The following SLC25A13 variants were observed in gnomAD, a reference collection of about 807,000 sequenced individuals.
SLC25A13 encodes solute carrier family 25 member 13, also known as electrogenic aspartate/glutamate antiporter SLC25A13, mitochondrial.
Under a neutral mutation model 85.5 loss-of-function variants are expected in SLC25A13, and 70 were observed. That is an observed-to-expected ratio of 0.82 (90% CI 0.68 to 1.00). The LOEUF is 1.00. Among genes scored for constraint, SLC25A13 ranks in the 50% least tolerant of loss-of-function variants. SLC25A13 has a pLI of 0.00. For synonymous variants in SLC25A13, 259 were observed against 288.7 expected (o/e 0.90, Z 1.04); for missense variants, 765 against 819.8 (o/e 0.93, Z 0.82).
Position 96,250,941 on chromosome 7 carries a change from A to T in SLC25A13, c.213-16024T>A, listed in dbSNP as rs552013717. ...ATTAGACAAATACTTATGGAGTGCT[A>T]CTATGTGCCAGCCACGTTCTAGGAT... On this transcript the variant is annotated intron_variant, in intron 3 of 17. Coordinates refer to ENST00000265631, the MANE Select transcript of SLC25A13 (RefSeq NM_014251.3). 1.2e-3 allele frequency among the ~76,000 whole-genome samples: 178 copies of T among 152,246 alleles called. 1 individual carries two copies. Among genetic ancestry groups the T allele is most frequent in the Non-Finnish European group, 1.1e-3 (75 of 68,018 alleles).
intron 1 of SLC25A13, among the ~76,000 whole-genome samples, chr7:96,314,726 G>C (rs971490300): frequency 3.3e-5 from 5 of 152,186 alleles, no homozygotes; most frequent in African/African-American, 1.2e-4. Flanking sequence ...AGCAGAGACT[G>C]GTCATGGGAC....
At chr7:96,268,458 C>A (rs1798116615) in intron 3 of SLC25A13, among the ~76,000 whole-genome samples, 1 of 152,134 alleles carries the variant, frequency 6.6e-6, no homozygotes, top group Non-Finnish European at 1.5e-5. Context: ...CCCACCTCCT[C>A]CTCAAATGCT....
chr7:96,214,442 A>G (rs569024142), intron 4 of SLC25A13, among the ~76,000 whole-genome samples: 22 of 152,210 alleles, frequency 1.4e-4, no homozygotes, highest in African/African-American at 4.8e-4. Context: ...TTAAAAAACA[A>G]CTCGGTCAGG....
At chr7:96,168,254 C>T (rs1330166052) in intron 13 of SLC25A13, among the ~76,000 whole-genome samples, 2 of 151,770 alleles carry the variant, frequency 1.3e-5, no homozygotes, top group Non-Finnish European at 2.9e-5. Flanking sequence ...TAAACTCTTA[C>T]TTCTTAAAGT....
intron 3 of SLC25A13, among the ~76,000 whole-genome samples, chr7:96,249,100 G>A (rs925363247): frequency 6.6e-6 from 1 of 152,192 alleles, no homozygotes; most frequent in Non-Finnish European, 1.5e-5. Flanking sequence ...GAGCCCAGGA[G>A]TTTGAGACCA....
chr7:96,236,490 T>C (rs1796749616), intron 3 of SLC25A13, among the ~76,000 whole-genome samples: 1 of 151,872 alleles, frequency 6.6e-6, no homozygotes, highest in Non-Finnish European at 1.5e-5. Flanking sequence ...ATAAAAGGGG[T>C]GAATTATTCT....
chr7:96,189,343 G>A lies in SLC25A13; in HGVS notation c.884C>T (p.Pro295Leu), dbSNP rs934057158. ...MTLADIERIAPLEEGTLPFNL... is the reference protein window; with the variant it reads ...MTLADIERIALLEEGTLPFNL... ...AAAGGGCAGAGTTCCCTCTTCCAGA[G>A]GAGCAATCCGTTCAATGTCTGCTAA... Residue 295 changes from proline (P) to leucine (L), a missense_variant, in exon 9 of 18, where the codon CCT (proline) becomes CTT (leucine). Pro to Leu is a moderately conservative substitution (Grantham distance 98). Coordinates refer to ENST00000265631, the MANE Select transcript of SLC25A13 (RefSeq NM_014251.3). The A allele has an allele frequency of 8.7e-6, 14 of 1,614,036 alleles. No individual in the cohort carries two copies. The highest frequency in any genetic ancestry group is 1.1e-5 in the Non-Finnish European group (13 of 1,180,030).
intron 4 of SLC25A13, among the ~76,000 whole-genome samples, chr7:96,220,456 GT>G (rs1796076937): frequency 6.6e-6 from 1 of 152,074 alleles, no homozygotes; most frequent in Non-Finnish European, 1.5e-5. Flanking sequence ...TTTCCAATAT[GT>G]TCTTGATTTT....
intron 5 of SLC25A13, among the ~76,000 whole-genome samples, chr7:96,200,175 A>C (rs568924953): frequency 1.3e-5 from 2 of 152,340 alleles, no homozygotes; most frequent in East Asian, 3.9e-4. Context: ...TAATAAAAGC[A>C]AAGAGTTAAT....
intron 3 of SLC25A13, among the ~76,000 whole-genome samples, chr7:96,268,181 T>C (rs1244328737): frequency 6.6e-6 from 1 of 152,132 alleles, no homozygotes; most frequent in Non-Finnish European, 1.5e-5. Context: ...CAGTCACAAG[T>C]GAAGACAGTT....
At chr7:96,279,862 C>T (rs76654472) in intron 2 of SLC25A13, among the ~76,000 whole-genome samples, 2,031 of 152,222 alleles carry the variant, frequency 0.013, 41 homozygotes, top group African/African-American at 0.047. Flanking sequence ...GGTTGTCCCA[C>T]GAACACAAAG....
intron 3 of SLC25A13, among the ~76,000 whole-genome samples, chr7:96,268,473 C>T (rs1798117144): frequency 6.6e-6 from 1 of 152,160 alleles, no homozygotes; most frequent in Non-Finnish European, 1.5e-5. Flanking sequence ...AATGCTGGGA[C>T]AAGCCCTCTT....
At chr7:96,135,157 A>T (rs1792221791) in intron 14 of SLC25A13, among the ~76,000 whole-genome samples, 1 of 152,152 alleles carries the variant, frequency 6.6e-6, no homozygotes, top group African/African-American at 2.4e-5. Flanking sequence ...GAATGAATGA[A>T]GTAATATGTG....
intron 2 of SLC25A13, among the ~76,000 whole-genome samples, chr7:96,293,493 A>C (rs1281573066): frequency 6.6e-6 from 1 of 152,208 alleles, no homozygotes; most frequent in Non-Finnish European, 1.5e-5. Context: ...TGAACAGGCA[A>C]CCTACAGAAT....
intron 1 of SLC25A13, among the ~76,000 whole-genome samples, chr7:96,301,613 G>T (rs1293313297): frequency 6.6e-6 from 1 of 151,294 alleles, no homozygotes; most frequent in Admixed American, 6.6e-5. Flanking sequence ...AAGGGAAAAA[G>T]AGAGGGTTTT....
At chr7:96,320,777 G>A (rs1219665976) in intron 1 of SLC25A13, among the ~76,000 whole-genome samples, 1 of 152,216 alleles carries the variant, frequency 6.6e-6, no homozygotes, top group African/African-American at 2.4e-5. Context: ...TACGGATTTG[G>A]GGAGCCTGGA....
At chr7:96,320,446 T>C (rs1351881042) in intron 1 of SLC25A13, among the ~76,000 whole-genome samples, 3 of 152,196 alleles carry the variant, frequency 2.0e-5, no homozygotes, top group Non-Finnish European at 4.4e-5. Context: ...CAGTAAAGAA[T>C]GGGTACCTAG....
chr7:96,150,865 G>A (rs1429868938), intron 13 of SLC25A13, among the ~76,000 whole-genome samples: 1 of 151,930 alleles, frequency 6.6e-6, no homozygotes, highest in Non-Finnish European at 1.5e-5. Context: ...ATATAGCAAC[G>A]TACCCAGGGC....
At chr7:96,228,786 G>A (rs557593328) in intron 4 of SLC25A13, among the ~76,000 whole-genome samples, 24 of 152,278 alleles carry the variant, frequency 1.6e-4, no homozygotes, top group Non-Finnish European at 2.5e-4. Context: ...TGGGCTCCGC[G>A]GGCCCTGCAC....
Sources: allele counts gnomAD v4.1 joint callset (sites outside exome capture counted in the v4.1 genomes callset), GRCh38; gene constraint gnomAD v4.1.1; transcripts MANE v1.5; gene names NCBI Gene and HGNC (gene_info 2026-07-23, HGNC 2026-07-21).